Variants in CACNA1F observed in about 807,000 individuals in gnomAD.
The protein encoded by CACNA1F is calcium voltage-gated channel subunit alpha1 F.
In CACNA1F, 59 loss-of-function variants were observed where a neutral mutation model predicts 143.8. The observed-to-expected ratio is 0.41, with a 90% CI of 0.33 to 0.51. CACNA1F has a LOEUF of 0.51. Among genes scored for constraint, CACNA1F ranks in the 20% least tolerant of loss-of-function variants. CACNA1F has a pLI of 0.22. For synonymous variants in CACNA1F, 643 were observed against 649.1 expected (o/e 0.99, Z 0.14); for missense variants, 1,411 against 1,647.5 (o/e 0.86, Z 2.48).
At chrX:49,223,203 G>T in intron 14 of CACNA1F, 67 bp from the exon 15 acceptor site, 2 of 728,827 alleles carry the variant, frequency 2.7e-6, no homozygotes, top group South Asian at 4.5e-5. Context: ...AGCATCAGGA[G>T]CCAGGGCAGG....
At position 49,210,958 on chromosome X, in the gene CACNA1F, G is replaced by T; in HGVS notation, c.4388+7C>A. 7 of 1,203,373 alleles carry T rather than the reference G, an allele frequency of 5.8e-6. No individual in the cohort carries two copies. Among genetic ancestry groups the T allele is most frequent in the Non-Finnish European group, 7.9e-6 (7 of 890,771 alleles). ...CTGGATTCTAGGTAAGGGTATAGAG[G>T]GCATACTTGGCCCCAGGGTCATATT... On this transcript the variant is annotated splice_region_variant and intron_variant, in intron 37 of 47. Coordinates refer to ENST00000323022, the MANE Select transcript of CACNA1F (RefSeq NM_001256789.3).
intron 3 of CACNA1F, 37 bp from the exon 4 acceptor site, chrX:49,231,026 G>A: frequency 8.9e-7 from 1 of 1,119,057 alleles, no homozygotes; most frequent in Non-Finnish European, 1.2e-6. Flanking sequence ...GGGAAGTCGA[G>A]GAGTTATTTG....
At position 49,222,777 on chromosome X, in the gene CACNA1F, G is replaced by A. The variant is rs1186421251; in HGVS notation, c.2147C>T (p.Pro716Leu). Residue 716 changes from proline (P) to leucine (L), a missense_variant, in exon 16 of 48, where the codon CCC (proline) becomes CTC (leucine). This residue lies in a region of CACNA1F where 950 missense variants were observed against 1,128.1 expected (regional missense o/e 0.84). Transcript: ENST00000323022. ...GCACACCAACATTCCTGGGAAGAAG[G>A]GGCCACCATATGCCATGATACCATC... ...MYDGIMAYGG[P>L]FFPGMLVCIY... 1.7e-6 allele frequency: 2 copies of A among 1,207,956 alleles called. No individual in the cohort carries two copies. The highest frequency in any genetic ancestry group is 2.2e-6 in the Non-Finnish European group (2 of 893,772).
chrX:49,231,772 C>A lies in CACNA1F; in HGVS notation c.181G>T (p.Ala61Ser). The stretch of plus-strand genomic sequence containing the variant: ...GGTGACCGCTGGGCACTGGCCACTG[C>A]CACTGTCTTGTGCTTGCTGTGCTGG... The part of the protein sequence containing the change: ...RNQHSKHKTV[A>S]VASAQRSPRA... The change falls in exon 2 of 48, where the codon GCA (alanine) becomes TCA (serine). Residue 61 changes from alanine to serine, a missense_variant. Coordinates refer to ENST00000323022, the MANE Select transcript of CACNA1F (RefSeq NM_001256789.3). The A allele has an allele frequency of 8.3e-7, 1 of 1,211,799 alleles. No individual in the cohort carries two copies. Among genetic ancestry groups the A allele is most frequent in the Non-Finnish European group, 1.1e-6 (1 of 895,340 alleles).
Position 49,206,860 on chromosome X carries a change from G to A in CACNA1F, c.5232-5C>T. On this transcript the variant is annotated splice_region_variant and splice_polypyrimidine_tract_variant and intron_variant, in intron 44 of 47. Coordinates refer to ENST00000323022, the MANE Select transcript of CACNA1F (RefSeq NM_001256789.3). ...TGCTCATCTAGGTAGGAAAGCCTGT[G>A]TGGGTGGGAGGGCCAGGGGTGAACT... 8.3e-7 allele frequency: 1 copy of A among 1,202,003 alleles called. No homozygotes were observed. The highest frequency in any genetic ancestry group is 3.0e-5 in the East Asian group (1 of 33,739).
At chrX:49,229,612 T>TTTTTG (rs1427290223) in intron 6 of CACNA1F, among the ~76,000 whole-genome samples, 8 of 97,975 alleles carry the variant, frequency 8.2e-5, no homozygotes, top group East Asian at 6.7e-4. Flanking sequence ...AGGCGCAGAG[T>TTTTTG]TTTTGTTTTG....
chrX:49,211,168 C>T (rs1254449428), intron 36 of CACNA1F, 76 bp from the exon 37 acceptor site: 19 of 1,129,082 alleles, frequency 1.7e-5, no homozygotes, highest in Middle Eastern at 5.3e-4. Flanking sequence ...GAGGCTGGGG[C>T]GGGCTTATAT....
Position 49,213,840 on chromosome X carries a change from A to G in CACNA1F, c.3771T>C (p.Asp1257=). The part of the protein sequence containing the change: ...DALIVVGSIV[D]IAVTEVNNGG... ...TCACATTGACTTCAGTGACGGCAAT[A>G]TCCACTATGCTGCCCACCACAATAA... Residue 1257 remains aspartate, a synonymous_variant, in exon 31 of 48, where the codon GAT becomes GAC. Transcript: ENST00000323022. 8.3e-7 allele frequency: 1 copy of G among 1,201,929 alleles called. No homozygotes were observed. Among genetic ancestry groups the G allele is most frequent in the South Asian group, 1.8e-5 (1 of 56,720 alleles).
chrX:49,213,233 A>C (rs977190635), intron 31 of CACNA1F, among the ~76,000 whole-genome samples: 1 of 111,520 alleles, frequency 9.0e-6, no homozygotes, highest in Non-Finnish European at 1.9e-5. Context: ...GAGCCAATAG[A>C]GGAAATGATG....
chrX:49,206,946 T>G, intron 44 of CACNA1F, 59 bp downstream of exon 44: 4 of 1,077,241 alleles, frequency 3.7e-6, no homozygotes, highest in Non-Finnish European at 5.1e-6. Flanking sequence ...CCCGACCCAG[T>G]TCCCACCCCT....
chrX:49,226,693 A>T lies in CACNA1F; in HGVS notation c.1286T>A (p.Leu429Gln). The T allele has an allele frequency of 8.5e-7, 1 of 1,177,734 alleles. No individual in the cohort carries two copies. Among genetic ancestry groups the T allele is most frequent in the East Asian group, 3.2e-5 (1 of 31,560 alleles). ...ACGCCTCCTATTGGTCAGCTCGGCC[A>T]GCTGTGGCCCTGCAGGGAGAGAAAG... ...PSADDNLGPQLAELTNRRRGR... is the reference protein window; with the variant it reads ...PSADDNLGPQQAELTNRRRGR... Residue 429 changes from leucine (L) to glutamine (Q), a missense_variant, in exon 10 of 48, where the codon CTG (leucine) becomes CAG (glutamine). By Grantham distance (113) the Leu-to-Gln change is moderately radical (BLOSUM62 -2). Around this residue, in one of 3 missense-constraint regions of CACNA1F, gnomAD observed 950 missense variants for 1,128.1 expected, o/e 0.84. Transcript: ENST00000323022.
chrX:49,226,269 G>C, intron 11 of CACNA1F, 26 bp from the exon 12 acceptor site: 1 of 1,192,859 alleles, frequency 8.4e-7, no homozygotes, highest in Non-Finnish European at 1.1e-6. Flanking sequence ...GATGGGAGGT[G>C]TGTGTCGTAA....
chrX:49,220,503 C>T lies in CACNA1F; in HGVS notation c.2356G>A (p.Glu786Lys). Residue 786 changes from glutamate (E) to lysine (K), a missense_variant, in exon 19 of 48, where the codon GAA (glutamate) becomes AAA (lysine). This residue lies in a region of CACNA1F where 950 missense variants were observed against 1,128.1 expected (regional missense o/e 0.84). Coordinates refer to ENST00000323022, the MANE Select transcript of CACNA1F (RefSeq NM_001256789.3). ...EGLVPGVEKE[E>K]EEGARREGAD... Reference sequence around the variant, plus strand: ...CCTTCCCTCCTTGCACCCTCCTCTTCCTCTTTCTCCACACCAGGCACCTGA... The same window carrying T: ...CCTTCCCTCCTTGCACCCTCCTCTTTCTCTTTCTCCACACCAGGCACCTGA... 1 of 1,209,157 alleles carries T rather than the reference C, an allele frequency of 8.3e-7. No individual in the cohort carries two copies. Among genetic ancestry groups the T allele is most frequent in the Non-Finnish European group, 1.1e-6 (1 of 893,689 alleles).
Position 49,213,869 on chromosome X carries a change from C to A in CACNA1F, c.3742G>T (p.Ala1248Ser). The A allele has an allele frequency of 8.3e-7, 1 of 1,203,602 alleles. No individual in the cohort carries two copies. The highest frequency in any genetic ancestry group is 1.1e-6 in the Non-Finnish European group (1 of 888,311). The change falls in exon 31 of 48, where the codon GCT becomes TCT. Residue 1248 changes from alanine to serine, a missense_variant. Ala to Ser is a moderately conservative substitution (Grantham distance 99). This residue lies in a region of CACNA1F where 950 missense variants were observed against 1,128.1 expected (regional missense o/e 0.84). Transcript: ENST00000323022. ...YFTDAWNTFD[A>S]LIVVGSIVDI... is the part of the protein sequence containing the mutation. ...ACTATGCTGCCCACCACAATAAGAG[C>A]GTCAAACGTGTTCCAGGCATCAGTG...
chrX:49,210,343 G>A lies in CACNA1F; in HGVS notation c.4546C>T (p.Leu1516Phe). 1 of 1,208,810 alleles carries A rather than the reference G, an allele frequency of 8.3e-7. No homozygotes were observed. The highest frequency in any genetic ancestry group is 1.1e-6 in the Non-Finnish European group (1 of 892,699). ...SDGTVTFNAT[L>F]FALVRTSLKI... Reference sequence around the variant, plus strand: ...AGGGATGTCCGGACCAGGGCAAAGAGTGTGGCGTTGAATGTCACCGTCCCA... The same window carrying A: ...AGGGATGTCCGGACCAGGGCAAAGAATGTGGCGTTGAATGTCACCGTCCCA... The change falls in exon 39 of 48, where the codon CTC becomes TTC. Residue 1516 changes from leucine to phenylalanine, a missense_variant. Leu to Phe is a conservative substitution (Grantham distance 22). Coordinates refer to ENST00000323022, the MANE Select transcript of CACNA1F (RefSeq NM_001256789.3).
In CACNA1F at chrX:49,228,443, C is replaced by T; in HGVS notation, c.822G>A (p.Met274Ile). The T allele has an allele frequency of 8.3e-7, 1 of 1,199,397 alleles. No individual in the cohort carries two copies. Among genetic ancestry groups the T allele is most frequent in the Non-Finnish European group, 1.1e-6 (1 of 888,146 alleles). The change falls in exon 7 of 48, where the codon ATG becomes ATA. Residue 274 changes from methionine to isoleucine, a missense_variant. Physicochemically the swap from Met to Ile is conservative, Grantham distance 10. This residue lies in a region of CACNA1F where 950 missense variants were observed against 1,128.1 expected (regional missense o/e 0.84). Transcript: ENST00000323022. ...HKTCYFLGSD[M>I]EAEEDPSPCA... The stretch of plus-strand genomic sequence containing the variant: ...AGGGCGATGGGTCCTCCTCCGCTTC[C>T]ATGTCTGCAGGAAGACTGGAGCTTG...
At chrX:49,210,808 G>C in intron 37 of CACNA1F, 122 bp from the exon 38 acceptor site, 1 of 850,297 alleles carries the variant, frequency 1.2e-6, no homozygotes, top group Admixed American at 2.6e-5. Flanking sequence ...GGAAGAACTG[G>C]AGGGCAGTCA....
Position 49,227,028 on chromosome X carries a change from G to A in CACNA1F, c.1218C>T (p.Asp406=). 3 of 1,210,773 alleles carry A rather than the reference G, an allele frequency of 2.5e-6. No individual in the cohort carries two copies. In the East Asian group the frequency reaches 8.9e-5, roughly 36 times the overall value. The change falls in exon 9 of 48, where the codon GAC becomes GAT. Residue 406 remains aspartate, a synonymous_variant. Transcript: ENST00000323022. ...CCAGCTCTTCGGCTTGAGTGATCCAGTCCAGGTAGCCCCGCAGGTCTTCCT... is the reference window on the plus strand; with the variant it reads ...CCAGCTCTTCGGCTTGAGTGATCCAATCCAGGTAGCCCCGCAGGTCTTCCT... ...QMEEDLRGYL[D]WITQAEELDM...
At chrX:49,219,047 A>G in intron 21 of CACNA1F, 106 bp from the exon 22 acceptor site, 1 of 734,270 alleles carries the variant, frequency 1.4e-6, no homozygotes, top group Non-Finnish European at 2.1e-6. Context: ...TCAAATTTGG[A>G]CCCTTCTGCC....
Sources: gnomAD v4.1 joint callset for allele counts (sites outside exome capture counted in the v4.1 genomes callset) on GRCh38, gnomAD v4.1.1 for gene constraint, gnomAD v4.1.1 regional missense constraint, MANE v1.5 for transcripts, NCBI Gene and HGNC (gene_info 2026-07-23, HGNC 2026-07-21) for gene names.